P2RY12: variants seen among roughly 807,000 people sequenced by gnomAD.
The protein encoded by P2RY12 is purinergic receptor P2Y12, also known as P2Y purinoceptor 12.
In P2RY12, 3 loss-of-function variants were observed where a neutral mutation model predicts 4.5. The ratio of observed to expected loss-of-function variants is 0.67; its 90% CI spans 0.31 to 1.74. The LOEUF (loss-of-function observed/expected upper bound fraction) is 1.74, where lower values mean the gene tolerates loss of function less well. Ranked by LOEUF, P2RY12 falls within the 40% of genes most tolerant of loss-of-function variation. P2RY12 has a pLI of 0.09. For synonymous variants in P2RY12, 148 were observed against 154.1 expected, an observed-to-expected ratio of 0.96 and a Z score of 0.29; for missense variants, 356 against 407.8, an observed-to-expected ratio of 0.87 and a Z score of 1.09.
At chr3:151,380,497 C>A (rs566409027) in intron 1 of P2RY12, among the ~76,000 whole-genome samples, 143 of 149,654 alleles carry the variant, frequency 9.6e-4, no homozygotes, top group African/African-American at 3.4e-3. Context: ...CTCGGGAGGC[C>A]AAGGCAGGAG....
chr3:151,366,311 G>C (rs1020396351), intron 1 of P2RY12, among the ~76,000 whole-genome samples: 1 of 152,100 alleles, frequency 6.6e-6, no homozygotes, highest in Non-Finnish European at 1.5e-5. Flanking sequence ...TTTACCAACT[G>C]CCCTGGATTC....
chr3:151,378,822 T>C, intron 1 of P2RY12, among the ~76,000 whole-genome samples: 1 of 152,234 alleles, frequency 6.6e-6, no homozygotes, highest in Non-Finnish European at 1.5e-5. Flanking sequence ...CATAGATTTC[T>C]TGTCCACTAA....
At chr3:151,346,318 T>A (rs774839628) in intron 1 of P2RY12, among the ~76,000 whole-genome samples, 2 of 152,372 alleles carry the variant, frequency 1.3e-5, no homozygotes, top group Non-Finnish European at 2.9e-5. Context: ...GAAATTTGTT[T>A]ATTTGAAAGA....
At chr3:151,368,832 G>A (rs1755816869) in intron 1 of P2RY12, among the ~76,000 whole-genome samples, 1 of 148,984 alleles carries the variant, frequency 6.7e-6, no homozygotes, top group Non-Finnish European at 1.5e-5. Context: ...TGTGATCTCG[G>A]CTCACTGCAA....
intron 1 of P2RY12, chr3:151,350,093 C>T (rs1255538927): frequency 6.2e-7 from 1 of 1,612,896 alleles, no homozygotes; most frequent in African/African-American, 1.3e-5. Context: ...AACCAGCGCA[C>T]AATCCTTCTC....
chr3:151,351,677 G>A (rs1052247054), intron 1 of P2RY12, among the ~76,000 whole-genome samples: 12 of 152,150 alleles, frequency 7.9e-5, no homozygotes, highest in African/African-American at 2.9e-4. Context: ...CTTGGCAATG[G>A]GGTAGGGGGG....
At chr3:151,364,465 A>G (rs1025101813) in intron 1 of P2RY12, among the ~76,000 whole-genome samples, 1 of 152,200 alleles carries the variant, frequency 6.6e-6, no homozygotes, top group African/African-American at 2.4e-5. Context: ...ATTGAAGACA[A>G]GGAATGTGCC....
intron 2 of P2RY12, among the ~76,000 whole-genome samples, chr3:151,340,273 T>C (rs955673680): frequency 6.6e-6 from 1 of 152,190 alleles, no homozygotes; most frequent in Non-Finnish European, 1.5e-5. Context: ...CTGTAAGATA[T>C]TTAACAAGTA....
intron 1 of P2RY12, among the ~76,000 whole-genome samples, chr3:151,348,707 T>C (rs540052046): frequency 1.3e-5 from 2 of 151,992 alleles, no homozygotes; most frequent in African/African-American, 4.8e-5. Context: ...ACCAGTGCAA[T>C]GGGAAGCAGT....
chr3:151,360,452 C>A, intron 1 of P2RY12: 1 of 1,606,054 alleles, frequency 6.2e-7, no homozygotes, highest in Non-Finnish European at 8.5e-7. Context: ...TGTCTTATTT[C>A]TTCGTATATT....
At chr3:151,359,464 C>A (rs916884621) in intron 1 of P2RY12, among the ~76,000 whole-genome samples, 2 of 152,082 alleles carry the variant, frequency 1.3e-5, no homozygotes, top group Non-Finnish European at 2.9e-5. Context: ...TTGGTTCCAC[C>A]TATGGTACCT....
chr3:151,348,714 C>T (rs1012828492), intron 1 of P2RY12, among the ~76,000 whole-genome samples: 3 of 152,062 alleles, frequency 2.0e-5, no homozygotes, highest in African/African-American at 7.3e-5. Flanking sequence ...CAATGGGAAG[C>T]AGTGGCAAGT....
chr3:151,384,535 G>A (rs1229103900), intron 1 of P2RY12, among the ~76,000 whole-genome samples, 157 bp downstream of exon 1: 1 of 152,000 alleles, frequency 6.6e-6, no homozygotes, highest in African/African-American at 2.4e-5. Flanking sequence ...GGACTGGCAC[G>A]TGTAATTGAA....
chr3:151,339,447 T>C (rs1399485132), intron 2 of P2RY12, among the ~76,000 whole-genome samples: 1 of 133,330 alleles, frequency 7.5e-6, no homozygotes, highest in African/African-American at 2.8e-5. Flanking sequence ...AAAAAAAAGC[T>C]GACCTTTTTT....
At chr3:151,364,843 A>T in intron 1 of P2RY12, 1 of 642,864 alleles carries the variant, frequency 1.6e-6, no homozygotes, top group Non-Finnish European at 2.7e-6. Context: ...AAGAAGTTCT[A>T]ATTAAGAACT....
At chr3:151,371,473 A>G (rs921906425) in intron 1 of P2RY12, among the ~76,000 whole-genome samples, 3 of 152,244 alleles carry the variant, frequency 2.0e-5, no homozygotes, top group African/African-American at 7.2e-5. Flanking sequence ...AATGAGAAAC[A>G]TATGATTATA....
intron 1 of P2RY12, among the ~76,000 whole-genome samples, chr3:151,374,273 C>T (rs901796776): frequency 1.6e-4 from 24 of 152,170 alleles, no homozygotes; most frequent in African/African-American, 2.4e-4. Context: ...TAGGCTAGGG[C>T]GCAGCGGCTC....
chr3:151,343,598 T>A (rs1253693133), intron 1 of P2RY12, among the ~76,000 whole-genome samples: 1 of 151,558 alleles, frequency 6.6e-6, no homozygotes, highest in African/African-American at 2.4e-5. Flanking sequence ...AAGTTATAGA[T>A]ACTTTAATCT....
chr3:151,378,883 C>G lies in P2RY12; in HGVS notation c.-180+5809G>C, dbSNP rs191462733. On this transcript the variant is annotated intron_variant, in intron 1 of 2. Coordinates refer to ENST00000302632, the MANE Select transcript of P2RY12 (RefSeq NM_022788.5). ...TTATTGACTGCTTACAGAATGGCAACTCCTCTCTAAAACTCATTATGTACA... is the reference window on the plus strand; with the variant it reads ...TTATTGACTGCTTACAGAATGGCAAGTCCTCTCTAAAACTCATTATGTACA... Among the ~76,000 whole-genome samples, 235 of 152,322 alleles carry G rather than the reference C, an allele frequency of 1.5e-3. 2 individuals are homozygous for G. Among genetic ancestry groups the G allele is most frequent in the African/African-American group, 5.5e-3 (229 of 41,586 alleles).
Sources: allele counts gnomAD v4.1 joint callset (sites outside exome capture counted in the v4.1 genomes callset), GRCh38; gene constraint gnomAD v4.1.1; transcripts MANE v1.5; gene names NCBI Gene and HGNC (gene_info 2026-07-23, HGNC 2026-07-21).